ZNF85: variants seen among roughly 807,000 people sequenced by gnomAD.
The protein encoded by ZNF85 is zinc finger protein 85.
A neutral mutation model predicts 53.9 loss-of-function variants in ZNF85; 50 were observed. That is an observed-to-expected ratio of 0.93 (90% CI 0.74 to 1.17). ZNF85 has a LOEUF of 1.17. ZNF85 is among the 50% of genes most tolerant of loss of function. The pLI is 0.00. For missense variants in ZNF85, 747 were observed against 688.5 expected (o/e 1.08, Z -0.95); for synonymous variants, 225 against 226.1 (o/e 1.00, Z 0.04).
At chr19:20,937,443 G>T in intron 3 of ZNF85, 1 of 441,080 alleles carries the variant, frequency 2.3e-6, no homozygotes, top group South Asian at 1.6e-5. Flanking sequence ...TTGATCAGAA[G>T]GCTGCTGGGT....
intron 3 of ZNF85, chr19:20,942,672 G>A (rs543911347): frequency 2.2e-5 from 12 of 556,006 alleles, no homozygotes; most frequent in South Asian, 1.2e-4. Context: ...TTATTTTTAC[G>A]TAATTTTGGA....
At chr19:20,948,439 G>A (rs1190449414) in intron 3 of ZNF85, among the ~76,000 whole-genome samples, 1 of 151,094 alleles carries the variant, frequency 6.6e-6, no homozygotes, top group Non-Finnish European at 1.5e-5. Context: ...AAGCCACTGT[G>A]TTACATTGGG....
chr19:20,948,653 T>A, intron 3 of ZNF85, 91 bp from the exon 4 acceptor site: 1 of 971,142 alleles, frequency 1.0e-6, no homozygotes, highest in Non-Finnish European at 1.5e-6. Context: ...TCTTACTTAA[T>A]GTAGTTTGTT....
intron 3 of ZNF85, among the ~76,000 whole-genome samples, chr19:20,940,942 T>C (rs888390484): frequency 6.6e-6 from 1 of 152,214 alleles, no homozygotes; most frequent in Non-Finnish European, 1.5e-5. Context: ...CTTATGTGAA[T>C]ACTGGTACAA....
chr19:20,942,718 A>G (rs11672995), intron 3 of ZNF85: 133,736 of 609,348 alleles, frequency 0.22, 15,590 homozygotes, highest in Middle Eastern at 0.28. Context: ...AGTTGCATTC[A>G]GTTTTGGTCA....
At chr19:20,934,601 C>T (rs1973111355) in intron 2 of ZNF85, among the ~76,000 whole-genome samples, 1 of 151,810 alleles carries the variant, frequency 6.6e-6, no homozygotes, top group African/African-American at 2.4e-5. Flanking sequence ...AACCCCGTCT[C>T]TACTAAAAAT....
intron 3 of ZNF85, among the ~76,000 whole-genome samples, chr19:20,941,631 T>C (rs1405983548): frequency 6.8e-6 from 1 of 146,960 alleles, no homozygotes; most frequent in Non-Finnish European, 1.5e-5. Context: ...CAATTATTTG[T>C]TCATTTCTAA....
chr19:20,950,056 A>G lies in ZNF85; in HGVS notation c.1542A>G (p.Glu514=), dbSNP rs1973541181. The change falls in exon 4 of 4, where the codon GAA becomes GAG. Residue 514 remains glutamate (E), a synonymous_variant. Transcript: ENST00000328178. ...GAGAGAAACCATACAAATGTGAAGA[A>G]TGTGGCAAAGCTTTTAACCAATCCT... is the stretch of plus-strand genomic sequence containing the variant. ...HTGEKPYKCE[E]CGKAFNQSSK... is the part of the protein sequence containing the mutation. The G allele has an allele frequency of 6.2e-7, 1 of 1,613,250 alleles. No individual in the cohort carries two copies. Among genetic ancestry groups the G allele is most frequent in the Middle Eastern group, 1.7e-4 (1 of 6,056 alleles).
intron 3 of ZNF85, among the ~76,000 whole-genome samples, chr19:20,944,739 C>T (rs56204435): frequency 0.11 from 17,117 of 150,914 alleles, 986 homozygotes; most frequent in Non-Finnish European, 0.13. Context: ...TATATTTTTG[C>T]GTTTTATATT....
chr19:20,926,701 A>G (rs955788538), intron 1 of ZNF85: 1 of 152,210 alleles, frequency 6.6e-6, no homozygotes, highest in African/African-American at 2.4e-5. Context: ...GAGAAGCTCC[A>G]AAGCCTTGGA....
rs567190520 is a variant in ZNF85 at position 20,949,898 on chromosome 19, G to A, written c.1384G>A (p.Ala462Thr). The change falls in exon 4 of 4, where the codon GCT (alanine) becomes ACT (threonine). Residue 462 changes from alanine to threonine, a missense_variant. Ala to Thr is a moderately conservative substitution (Grantham distance 58). Transcript: ENST00000328178. The part of the protein sequence containing the change: ...KPYECEKCGK[A>T]FNQSSNLTRH... The stretch of plus-strand genomic sequence containing the variant: ...CTATGAATGTGAAAAATGTGGCAAA[G>A]CTTTTAACCAGTCCTCAAATCTTAC... 1.2e-5 allele frequency: 20 copies of A among 1,612,740 alleles called. No individual in the cohort carries two copies. The highest frequency in any genetic ancestry group is 1.7e-5 in the Non-Finnish European group (20 of 1,179,458).
In ZNF85 at chr19:20,935,046, A is replaced by T. The variant is rs1243568543; in HGVS notation, c.228A>T (p.Thr76=). ...KRHEIMVAKP[T]VMCSHFAQDL... is the part of the protein sequence containing the mutation. ...ATGAGATCATGGTGGCCAAACCCAC[A>T]GGTAGGTGAAAGTGAAAATGAATAC... Residue 76 remains threonine, a splice_region_variant and synonymous_variant, in exon 3 of 4, where the codon ACA becomes ACT. Transcript: ENST00000328178. The T allele has an allele frequency of 1.2e-6, 2 of 1,605,130 alleles. No individual in the cohort carries two copies. Among genetic ancestry groups the T allele is most frequent in the African/African-American group, 2.7e-5 (2 of 74,586 alleles).
intron 3 of ZNF85, 72 bp from the exon 4 acceptor site, chr19:20,948,672 T>C (rs1284260745): frequency 6.8e-6 from 8 of 1,169,400 alleles, no homozygotes; most frequent in Non-Finnish European, 9.6e-6. Context: ...TTTAATTTTA[T>C]ATATTACATT....
Position 20,949,731 on chromosome 19 carries a change from C to T in ZNF85, c.1217C>T (p.Ala406Val). The T allele has an allele frequency of 6.2e-7, 1 of 1,612,570 alleles. No individual in the cohort carries two copies. The highest frequency in any genetic ancestry group is 8.5e-7 in the Non-Finnish European group (1 of 1,179,254). Residue 406 changes from alanine to valine, a missense_variant, in exon 4 of 4, where the codon GCT (alanine) becomes GTT (valine). Coordinates refer to ENST00000328178, the MANE Select transcript of ZNF85 (RefSeq NM_003429.5). ...TACAAATGTAAAGAATGTGGTAAAG[C>T]TTTTAAACACTCTTCAACCCTTACT... is the stretch of plus-strand genomic sequence containing the variant. ...KPYKCKECGK[A>V]FKHSSTLTKH...
chr19:20,932,526 G>A (rs368051808), intron 1 of ZNF85, among the ~76,000 whole-genome samples: 5 of 152,056 alleles, frequency 3.3e-5, no homozygotes, highest in African/African-American at 1.2e-4. Flanking sequence ...GAAAAGGTGT[G>A]GATACTCAAG....
At position 20,937,326 on chromosome 19, in the gene ZNF85, A is replaced by G. The variant is rs113582904; in HGVS notation, c.229+2279A>G. 4,099 of 456,094 alleles carry G rather than the reference A, an allele frequency of 9.0e-3. 85 individuals carry two copies. Among genetic ancestry groups the G allele is most frequent in the African/African-American group, 0.034 (1,700 of 50,156 alleles). The allele number at this position is 456,094 out of a possible 1,614,324, so 28.3% of individuals were successfully genotyped here. A position where few individuals can be genotyped will look rare whatever the true frequency, so the allele number is the denominator to read the frequency against. On this transcript the variant is annotated intron_variant, in intron 3 of 3. Transcript: ENST00000328178. ...ATTATAGACATGAGCCTCAGCGCCC[A>G]GCCCTCTTCAAGTTTTTATAAACCA... is the stretch of plus-strand genomic sequence containing the variant.
rs190661455 is a variant in ZNF85, at chr19:20,942,675, A to G, written c.230-6069A>G. On this transcript the variant is annotated intron_variant, in intron 3 of 3. Coordinates refer to ENST00000328178, the MANE Select transcript of ZNF85 (RefSeq NM_003429.5). ...GAAGGGTGTGTTTTATTTTTACGTA[A>G]TTTTGGATTTTCCAGTTTTGCTTTT... 94 of 565,060 alleles carry G rather than the reference A, an allele frequency of 1.7e-4. No individual in the cohort carries two copies. The East Asian group carries it at 2.7e-3, about 16-fold the overall frequency. 35.0% of individuals were successfully genotyped at this position (565,060 alleles called of 1,614,324 possible).
At chr19:20,933,963 G>GTA (rs1973090018) in intron 1 of ZNF85, 61 bp from the exon 2 acceptor site, 2 of 219,116 alleles carry the variant, frequency 9.1e-6, no homozygotes, top group Admixed American at 6.6e-5. Context: ...AATTATGTGT[G>GTA]TGTGTGTGTG....
chr19:20,931,147 C>T (rs112117655), intron 1 of ZNF85, among the ~76,000 whole-genome samples: 28 of 152,308 alleles, frequency 1.8e-4, no homozygotes, highest in African/African-American at 6.3e-4. Context: ...GGAACCTGTG[C>T]TGTGCCTGCT....
Sources: allele counts gnomAD v4.1 joint callset (sites outside exome capture counted in the v4.1 genomes callset), GRCh38; gene constraint gnomAD v4.1.1; transcripts MANE v1.5; gene names NCBI Gene and HGNC (gene_info 2026-07-23, HGNC 2026-07-21).